The following CRIP1 variants were observed in gnomAD, a reference collection of about 807,000 sequenced individuals.
The protein encoded by CRIP1 is cysteine-rich protein 1.
Under a neutral mutation model 12.9 loss-of-function variants are expected in CRIP1, and 11 were observed. The ratio of observed to expected loss-of-function variants is 0.86; its 90% CI spans 0.54 to 1.42. The LOEUF is 1.42. CRIP1 is among the 40% of genes most tolerant of loss of function. The pLI is 0.00. For missense variants in CRIP1, 122 were observed against 101.3 expected (o/e 1.20, Z -0.88); for synonymous variants, 41 against 37.2 (o/e 1.10, Z -0.37).
In CRIP1 at chr14:105,487,226, A is replaced by T; in HGVS notation, c.-34A>T. 1 of 1,541,870 alleles carries T rather than the reference A, an allele frequency of 6.5e-7. No individual in the cohort carries two copies. Among genetic ancestry groups the T allele is most frequent in the Non-Finnish European group, 8.7e-7 (1 of 1,143,814 alleles). On this transcript the variant is annotated 5_prime_UTR_variant, in exon 2 of 6. Transcript: ENST00000392531. ...TCGCGCCTGCAGCCCGTGCCGCCCC[A>T]GCCGCTGCCGCCTGCACCGGACCCG...
chr14:105,486,954 A>G lies in CRIP1; in HGVS notation c.-80A>G, dbSNP rs1057149390. 6 of 1,191,762 alleles carry G rather than the reference A, an allele frequency of 5.0e-6. No homozygotes were observed. Among genetic ancestry groups the G allele is most frequent in the Admixed American group, 9.2e-5 (2 of 21,776 alleles). The allele number at this position is 1,191,762 out of a possible 1,614,324, so 73.8% of individuals were successfully genotyped here. A position where few individuals can be genotyped will look rare whatever the true frequency, so the allele number is the denominator to read the frequency against. On this transcript the variant is annotated 5_prime_UTR_variant, in exon 1 of 6. Transcript: ENST00000392531. ...CTAGGGGCGCGGCTTGAACTCGCCT[A>G]AAGAGCTGCGCCCTCTCAGTAAGTC...
chr14:105,487,806 G>A (rs1490549610), intron 2 of CRIP1: 1 of 275,898 alleles, frequency 3.6e-6, no homozygotes, highest in African/African-American at 2.2e-5. Context: ...TGCCACCGCA[G>A]AGGCCCGGGG....
At chr14:105,487,981 CTG>C in intron 2 of CRIP1, 183 bp from the exon 3 acceptor site, 2 of 609,926 alleles carry the variant, frequency 3.3e-6, no homozygotes, top group East Asian at 5.5e-5. Flanking sequence ...TGTATTGGCT[CTG>C]GGGATTGGAG....
intron 5 of CRIP1, 63 bp from the exon 6 acceptor site, chr14:105,488,600 C>A: frequency 7.1e-7 from 1 of 1,411,086 alleles, no homozygotes; most frequent in Admixed American, 2.0e-5. Flanking sequence ...CCTGACCACT[C>A]GTGGGCCCCA....
Position 105,487,264 on chromosome 14 carries a change from C to G in CRIP1, c.5C>G (p.Pro2Arg). 2 of 1,544,746 alleles carry G rather than the reference C, an allele frequency of 1.3e-6. No homozygotes were observed. The highest frequency in any genetic ancestry group is 1.7e-6 in the Non-Finnish European group (2 of 1,144,762). The stretch of plus-strand genomic sequence containing the variant: ...TGCACCGGACCCGGAGCCGTCATGC[C>G]CAAGTGTCCCAAGTGCAACAAGGAG... Reference protein sequence around the residue: MPKCPKCNKEVY... With the variant: MRKCPKCNKEVY... Residue 2 changes from proline (P) to arginine (R), a missense_variant, in exon 2 of 6, where the codon CCC becomes CGC. Coordinates refer to ENST00000392531, the MANE Select transcript of CRIP1 (RefSeq NM_001311.5).
intron 2 of CRIP1, 105 bp downstream of exon 2, chr14:105,487,404 CCAGCCTGAAAACGCCT>C (rs2084131514): frequency 9.4e-7 from 1 of 1,059,936 alleles, no homozygotes; most frequent in Non-Finnish European, 1.3e-6. Flanking sequence ...GGGCGGCGCC[CCAGCCTGAAAACGCCT>C]CAGCCTGGCC....
rs1555438172 is a variant in CRIP1 at position 105,486,986 on chromosome 14, GCCCCC to G, written c.-62+15_-62+19del. 1 of 1,146,288 alleles carries G rather than the reference GCCCCC, an allele frequency of 8.7e-7. No homozygotes were observed. Among genetic ancestry groups the G allele is most frequent in the Non-Finnish European group, 1.1e-6 (1 of 949,120 alleles). The allele number at this position is 1,146,288 out of a possible 1,614,324, so 71.0% of individuals were successfully genotyped here. A position where few individuals can be genotyped will look rare whatever the true frequency, so the allele number is the denominator to read the frequency against. On this transcript the variant is annotated intron_variant, in intron 1 of 5. Transcript: ENST00000392531. ...TGCGCCCTCTCAGTAAGTCCCCATG[GCCCCC>G]TGCCCCCCCGCGCTCCGTCCTCAGT... is the stretch of plus-strand genomic sequence containing the variant.
chr14:105,488,431 C>G, intron 4 of CRIP1, 40 bp from the exon 5 acceptor site: 1 of 1,600,642 alleles, frequency 6.2e-7, no homozygotes, highest in Non-Finnish European at 8.5e-7. Context: ...CCACAGCCTC[C>G]TCCACCCCAG....
chr14:105,487,128 G>A, intron 1 of CRIP1, 71 bp from the exon 2 acceptor site: 1 of 1,414,092 alleles, frequency 7.1e-7, no homozygotes, highest in Admixed American at 2.8e-5. Flanking sequence ...GGCGGGGCGC[G>A]AGGGGCGGGG....
At chr14:105,487,038 G>A in intron 1 of CRIP1, 66 bp downstream of exon 1, 10 of 1,358,920 alleles carry the variant, frequency 7.4e-6, no homozygotes, top group Non-Finnish European at 9.5e-6. Context: ...CCTGCCTGAA[G>A]GCGGGGGTGG....
At position 105,487,205 on chromosome 14, in the gene CRIP1, G is replaced by T. The variant is rs587667598; in HGVS notation, c.-55G>T. On this transcript the variant is annotated 5_prime_UTR_variant, in exon 2 of 6. Coordinates refer to ENST00000392531, the MANE Select transcript of CRIP1 (RefSeq NM_001311.5). The stretch of plus-strand genomic sequence containing the variant: ...CCAGGCCGGATCCACCCAGTCTCGC[G>T]CCTGCAGCCCGTGCCGCCCCAGCCG... 9.9e-5 allele frequency: 152 copies of T among 1,536,532 alleles called. No homozygotes were observed. The African/African-American group carries it at 1.9e-3, about 19-fold the overall frequency.
intron 2 of CRIP1, chr14:105,487,644 AG>A (rs1460742798): frequency 3.9e-6 from 1 of 256,964 alleles, no homozygotes; most frequent in African/African-American, 2.3e-5. Context: ...CGCGCCCCCC[AG>A]CGCTAAGTGG....
intron 2 of CRIP1, 78 bp from the exon 3 acceptor site, chr14:105,488,088 G>C: frequency 6.7e-7 from 1 of 1,485,558 alleles, no homozygotes; most frequent in Non-Finnish European, 9.2e-7. Flanking sequence ...AGAGCTGGCT[G>C]CAAGAGGCGG....
chr14:105,487,194 C>T lies in CRIP1; in HGVS notation c.-61-5C>T, dbSNP rs1276937221. Reference sequence around the variant, plus strand: ...AAAGGCGCGGACCAGGCCGGATCCACCCAGTCTCGCGCCTGCAGCCCGTGC... The same window carrying T: ...AAAGGCGCGGACCAGGCCGGATCCATCCAGTCTCGCGCCTGCAGCCCGTGC... On this transcript the variant is annotated splice_region_variant and splice_polypyrimidine_tract_variant and intron_variant, in intron 1 of 5. Transcript: ENST00000392531. 1 of 1,535,326 alleles carries T rather than the reference C, an allele frequency of 6.5e-7. No homozygotes were observed. The highest frequency in any genetic ancestry group is 2.0e-5 in the Admixed American group (1 of 50,078).
Position 105,487,242 on chromosome 14 carries a change from ACC to A in CRIP1, c.-17_-16del. 2 of 1,543,344 alleles carry A rather than the reference ACC, an allele frequency of 1.3e-6. No individual in the cohort carries two copies. Among genetic ancestry groups the A allele is most frequent in the African/African-American group, 1.4e-5 (1 of 72,298 alleles). ...TGCCGCCCCAGCCGCTGCCGCCTGC[ACC>A]GGACCCGGAGCCGTCATGCCCAAGT... On this transcript the variant is annotated 5_prime_UTR_variant, in exon 2 of 6. Coordinates refer to ENST00000392531, the MANE Select transcript of CRIP1 (RefSeq NM_001311.5).
At chr14:105,487,349 C>A (rs1555438261) in intron 2 of CRIP1, 50 bp downstream of exon 2, 2 of 1,503,386 alleles carry the variant, frequency 1.3e-6, no homozygotes, top group South Asian at 1.2e-5. Flanking sequence ...GACGGGGCGA[C>A]GAGGCTGGGG....
In CRIP1 at chr14:105,488,178, C is replaced by G; in HGVS notation, c.53C>G (p.Thr18Ser). 1 of 1,612,796 alleles carries G rather than the reference C, an allele frequency of 6.2e-7. No individual in the cohort carries two copies. The highest frequency in any genetic ancestry group is 8.5e-7 in the Non-Finnish European group (1 of 1,179,988). ...TGTGCCTCTGCAGCCGAGAGGGTGACCTCTCTGGGCAAGGACTGGCATCGG... is the reference window on the plus strand; with the variant it reads ...TGTGCCTCTGCAGCCGAGAGGGTGAGCTCTCTGGGCAAGGACTGGCATCGG... ...NKEVYFAERV[T>S]SLGKDWHRPC... The change falls in exon 3 of 6, where the codon ACC (threonine) becomes AGC (serine). Residue 18 changes from threonine (T) to serine (S), a missense_variant. Thr to Ser is a moderately conservative substitution (Grantham distance 58). Coordinates refer to ENST00000392531, the MANE Select transcript of CRIP1 (RefSeq NM_001311.5).
In CRIP1 at chr14:105,488,397, C is replaced by T; in HGVS notation, c.193+9C>T. On this transcript the variant is annotated intron_variant, in intron 4 of 5. Transcript: ENST00000392531. ...CATGTTTGGGCCTAAAGGTATGCTC[C>T]CGTCATCCCCACCCCACCCCACCCC... 6.2e-7 allele frequency: 1 copy of T among 1,610,266 alleles called. No individual in the cohort carries two copies.
chr14:105,487,076 C>A (rs2084127443), intron 1 of CRIP1, 104 bp downstream of exon 1: 2 of 1,371,628 alleles, frequency 1.5e-6, no homozygotes, highest in Admixed American at 6.5e-5. Context: ...GGGCCCTGGG[C>A]CTAGATTCGA....
Sources: gnomAD v4.1 joint callset for allele counts on GRCh38, gnomAD v4.1.1 for gene constraint, MANE v1.5 for transcripts, NCBI Gene and HGNC (gene_info 2026-07-23, HGNC 2026-07-21) for gene names.